GFPT1: variants seen among roughly 807,000 people sequenced by gnomAD.
The protein encoded by GFPT1 is glutamine--fructose-6-phosphate transaminase 1.
GFPT1 carries 40 observed loss-of-function variants against 92.0 expected under a neutral mutation model. The ratio of observed to expected loss-of-function variants is 0.43; its 90% CI spans 0.34 to 0.57. The LOEUF (loss-of-function observed/expected upper bound fraction) is 0.57. GFPT1 is among the 20% of genes least tolerant of loss of function. The probability of loss-of-function intolerance (pLI) is 0.02; values close to 1 mark genes in which losing one functional copy is unlikely to be tolerated. For synonymous variants in GFPT1, 269 were observed against 280.6 expected, an observed-to-expected ratio of 0.96 and a Z score of 0.41; for missense variants, 448 against 869.1, an observed-to-expected ratio of 0.52 and a Z score of 6.09.
intron 3 of GFPT1, among the ~76,000 whole-genome samples, chr2:69,368,644 G>A (rs1041265637): frequency 2.0e-5 from 3 of 151,876 alleles, no homozygotes; most frequent in African/African-American, 4.8e-5. Flanking sequence ...CAGGAGAATC[G>A]CTTGAATCTG....
chr2:69,363,655 T>C lies in GFPT1; in HGVS notation c.239A>G (p.Asp80Gly), dbSNP rs1671535131. ...DEEVHKQQDM[D>G]LDIEFDVHLG... is the part of the protein sequence containing the mutation. ...GTGTACATCAAATTCTATATCCAAA[T>C]CCATATCTTGTTGCTCTGAAGAATA... Residue 80 changes from aspartate (D) to glycine (G), a missense_variant, in exon 4 of 20, where the codon GAT becomes GGT. Asp to Gly is a moderately conservative substitution (Grantham distance 94). Transcript: ENST00000357308. 6.8e-6 allele frequency: 11 copies of C among 1,606,666 alleles called. No individual in the cohort carries two copies. The highest frequency in any genetic ancestry group is 5.1e-6 in the Non-Finnish European group (6 of 1,173,232).
intron 15 of GFPT1, among the ~76,000 whole-genome samples, chr2:69,332,635 AT>A (rs1164754142): frequency 6.6e-6 from 1 of 151,376 alleles, no homozygotes; most frequent in Non-Finnish European, 1.5e-5. Context: ...GGTAGTTCTG[AT>A]TTTTTTTAAT....
intron 1 of GFPT1, among the ~76,000 whole-genome samples, chr2:69,380,157 G>A (rs569442636): frequency 3.0e-4 from 46 of 152,076 alleles, no homozygotes; most frequent in African/African-American, 1.1e-3. Flanking sequence ...GGCCAACATG[G>A]TGAAACCCCG....
chr2:69,326,553 G>T (rs1670536803), intron 19 of GFPT1, among the ~76,000 whole-genome samples: 1 of 152,158 alleles, frequency 6.6e-6, no homozygotes, highest in Non-Finnish European at 1.5e-5. Flanking sequence ...TGCCACAATG[G>T]CTGAGAAACC....
At chr2:69,342,978 A>G (rs1028944190) in intron 12 of GFPT1, among the ~76,000 whole-genome samples, 9 of 152,180 alleles carry the variant, frequency 5.9e-5, no homozygotes, top group Non-Finnish European at 7.3e-5. Context: ...CCTGGACGAC[A>G]GCAACATTCT....
rs1213947641 is a variant in GFPT1, at chr2:69,354,559, G to A, written c.615C>T (p.Ser205=). The change falls in exon 8 of 20, where the codon AGC becomes AGT. Residue 205 remains serine, a synonymous_variant. Transcript: ENST00000357308. ...PGQAVGTRRG[S]PLLIGVRSEH... ...CACTCCGTACACCAATCAACAGAGG[G>A]CTACCTCGCCTGTAAATTGCAAAAG... is the stretch of plus-strand genomic sequence containing the variant. 1.9e-6 allele frequency: 3 copies of A among 1,604,880 alleles called. No individual in the cohort carries two copies. Among genetic ancestry groups the A allele is most frequent in the Non-Finnish European group, 2.6e-6 (3 of 1,171,758 alleles).
At chr2:69,357,849 C>T (rs949748436) in intron 6 of GFPT1, among the ~76,000 whole-genome samples, 5 of 152,238 alleles carry the variant, frequency 3.3e-5, no homozygotes, top group Admixed American at 6.5e-5. Context: ...AAGGGAAAGT[C>T]CCCAAAAGGA....
chr2:69,330,906 G>T (rs1297257370), intron 15 of GFPT1, among the ~76,000 whole-genome samples: 2 of 152,078 alleles, frequency 1.3e-5, no homozygotes, highest in Non-Finnish European at 2.9e-5. Context: ...ACACTTACAA[G>T]ATTATAATGA....
chr2:69,366,484 A>G (rs547644219), intron 3 of GFPT1, among the ~76,000 whole-genome samples: 1 of 152,334 alleles, frequency 6.6e-6, no homozygotes, highest in African/African-American at 2.4e-5. Flanking sequence ...GCAATACTGA[A>G]GAAAGTCAGA....
At chr2:69,365,631 T>C (rs921564906) in intron 3 of GFPT1, among the ~76,000 whole-genome samples, 1 of 152,196 alleles carries the variant, frequency 6.6e-6, no homozygotes, top group South Asian at 2.1e-4. Context: ...AAGGTATACA[T>C]GGCAGATACC....
rs761321362 is a variant in GFPT1 at position 69,359,289 on chromosome 2, G to A, written c.387C>T (p.Tyr129=). The A allele has an allele frequency of 6.3e-7, 1 of 1,583,204 alleles. No homozygotes were observed. The highest frequency in any genetic ancestry group is 2.2e-5 in the East Asian group (1 of 44,706). The change falls in exon 5 of 20, where the codon TAC becomes TAT. Residue 129 remains tyrosine, a synonymous_variant. Transcript: ENST00000357308. ...IVIHNGIITN[Y]KDLKKFLESK... is the part of the protein sequence containing the mutation. ...TTACCAAAAACTTTTTCAAGTCTTTGTAGTTGGTGATGATTCCATTGTGAA... is the reference window on the plus strand; with the variant it reads ...TTACCAAAAACTTTTTCAAGTCTTTATAGTTGGTGATGATTCCATTGTGAA...
At chr2:69,362,255 A>G (rs1671493434) in intron 4 of GFPT1, among the ~76,000 whole-genome samples, 1 of 152,036 alleles carries the variant, frequency 6.6e-6, no homozygotes, top group Admixed American at 6.6e-5. Flanking sequence ...TAGCCTCCTG[A>G]GTAGCTGGGA....
chr2:69,332,061 TTTTA>T (rs1323982159), intron 15 of GFPT1, among the ~76,000 whole-genome samples: 1 of 152,090 alleles, frequency 6.6e-6, no homozygotes, highest in Non-Finnish European at 1.5e-5. Flanking sequence ...CACTGTTCCT[TTTTA>T]TTTTTTTAAC....
chr2:69,336,339 CA>C (rs61141681), intron 15 of GFPT1, among the ~76,000 whole-genome samples: 47 of 98,074 alleles, frequency 4.8e-4, no homozygotes, highest in East Asian at 1.2e-3. Context: ...AGTCTGTCTC[CA>C]AAAAAAAAAA....
At chr2:69,338,249 A>C (rs1438137180) in intron 14 of GFPT1, among the ~76,000 whole-genome samples, 194 bp from the exon 15 acceptor site, 1 of 152,230 alleles carries the variant, frequency 6.6e-6, no homozygotes, top group Non-Finnish European at 1.5e-5. Context: ...TCTGTCATTG[A>C]AAATCCAGCT....
intron 1 of GFPT1, among the ~76,000 whole-genome samples, chr2:69,378,253 G>A (rs1186749676): frequency 2.6e-5 from 4 of 152,106 alleles, no homozygotes; most frequent in South Asian, 2.1e-4. Flanking sequence ...TGATCCACTC[G>A]CCTCAGCCTC....
chr2:69,349,120 C>A (rs1363504080), intron 10 of GFPT1, among the ~76,000 whole-genome samples: 1 of 152,216 alleles, frequency 6.6e-6, no homozygotes, highest in Admixed American at 6.5e-5. Flanking sequence ...TAGCATTCTG[C>A]AGCTCTTGTC....
intron 5 of GFPT1, among the ~76,000 whole-genome samples, chr2:69,359,058 A>T (rs1460161014): frequency 6.6e-6 from 1 of 152,248 alleles, no homozygotes; most frequent in South Asian, 2.1e-4. Flanking sequence ...ATTACAGTCA[A>T]ATGCTAATCA....
chr2:69,365,369 G>C (rs1671585801), intron 3 of GFPT1, among the ~76,000 whole-genome samples: 1 of 152,118 alleles, frequency 6.6e-6, no homozygotes, highest in Admixed American at 6.5e-5. Context: ...CTACTCAGGA[G>C]GCTGAGGTAG....
Sources: gnomAD v4.1 joint callset for allele counts (sites outside exome capture counted in the v4.1 genomes callset) on GRCh38, gnomAD v4.1.1 for gene constraint, MANE v1.5 for transcripts, NCBI Gene and HGNC (gene_info 2026-07-23, HGNC 2026-07-21) for gene names.